The following TUT7 variants were observed in gnomAD, a reference collection of about 807,000 sequenced individuals.
TUT7 encodes the protein terminal uridylyltransferase 7.
In TUT7, 33 loss-of-function variants were observed where a neutral mutation model predicts 165.9. The ratio of observed to expected loss-of-function variants is 0.20; its 90% CI spans 0.15 to 0.27. The LOEUF (loss-of-function observed/expected upper bound fraction) is 0.27, where lower values mean the gene tolerates loss of function less well. Ranked by LOEUF, TUT7 falls within the 10% of genes least tolerant of loss-of-function variation. The pLI is 1.00. For synonymous variants in TUT7, 552 were observed against 608.1 expected (o/e 0.91, Z 1.36); for missense variants, 1,338 against 1,762.3 (o/e 0.76, Z 4.31).
chr9:86,314,047 T>C (rs1332155301), intron 17 of TUT7, among the ~76,000 whole-genome samples: 1 of 152,228 alleles, frequency 6.6e-6, no homozygotes, highest in Non-Finnish European at 1.5e-5. Context: ...TTAAATGCCA[T>C]AGAATTGTTA....
At chr9:86,353,938 T>C (rs935968207) in intron 1 of TUT7, among the ~76,000 whole-genome samples, 1 of 151,676 alleles carries the variant, frequency 6.6e-6, no homozygotes, top group African/African-American at 2.4e-5. Flanking sequence ...TCAATCCCCA[T>C]CTGACCGCTC....
chr9:86,346,555 G>T, intron 2 of TUT7, 75 bp from the exon 3 acceptor site: 1 of 1,400,218 alleles, frequency 7.1e-7, no homozygotes, highest in Non-Finnish European at 9.8e-7. Context: ...CCTTACATAT[G>T]TATTAAATCA....
intron 17 of TUT7, among the ~76,000 whole-genome samples, chr9:86,313,243 T>G (rs554854271): frequency 1.2e-4 from 18 of 152,174 alleles, no homozygotes; most frequent in African/African-American, 4.1e-4. Flanking sequence ...CACATCTAGT[T>G]AGACAATAAC....
chr9:86,310,393 C>G (rs1459630871), intron 18 of TUT7, among the ~76,000 whole-genome samples: 1 of 151,492 alleles, frequency 6.6e-6, no homozygotes, highest in African/African-American at 2.4e-5. Flanking sequence ...GGCTTTTATA[C>G]GTCCTTGGTC....
intron 13 of TUT7, 150 bp downstream of exon 13, chr9:86,322,723 A>C: frequency 9.8e-7 from 1 of 1,022,634 alleles, no homozygotes; most frequent in East Asian, 2.6e-5. Context: ...CTTAAGGAGA[A>C]AAGCAGACCG....
chr9:86,342,597 C>A (rs1379724982), intron 6 of TUT7, among the ~76,000 whole-genome samples: 1 of 152,128 alleles, frequency 6.6e-6, no homozygotes, highest in East Asian at 1.9e-4. Flanking sequence ...AATTCTAACT[C>A]ATCAACATAC....
chr9:86,313,126 T>TAATAAATAAATAAATAAATAAATA (rs111966143), intron 17 of TUT7, among the ~76,000 whole-genome samples: 1 of 142,550 alleles, frequency 7.0e-6, no homozygotes, highest in Admixed American at 7.0e-5. Context: ...GAATGATCAA[T>TAATAAATAAATAAATAAATAAATA]AATAAATAAA....
rs1157712998 is a variant in TUT7, at chr9:86,344,820, T to C, written c.997+157A>G. ...ATGCATATGAAAGTCCTTGTTACCT[T>C]AGGGAAAGCCAGGGAAAACAAAAAA... On this transcript the variant is annotated intron_variant, in intron 5 of 26. Coordinates refer to ENST00000375963, the MANE Select transcript of TUT7 (RefSeq NM_024617.4). 2.1e-5 allele frequency: 14 copies of C among 667,808 alleles called. No homozygotes were observed. The Middle Eastern group carries it at 1.7e-3, about 79-fold the overall frequency. 41.4% of individuals were successfully genotyped at this position (667,808 alleles called of 1,614,324 possible).
intron 25 of TUT7, chr9:86,301,841 T>C: frequency 1.0e-6 from 1 of 985,424 alleles, no homozygotes; most frequent in Non-Finnish European, 1.2e-6. Context: ...GTAAAACCAA[T>C]GACTGCAATT....
At chr9:86,345,925 G>T in intron 3 of TUT7, 140 bp from the exon 4 acceptor site, 1 of 654,840 alleles carries the variant, frequency 1.5e-6, no homozygotes, top group Non-Finnish European at 2.6e-6. Flanking sequence ...GCCCTGGCTG[G>T]AGTGAACTGG....
At chr9:86,329,784 C>G (rs1830137147) in intron 10 of TUT7, among the ~76,000 whole-genome samples, 1 of 152,080 alleles carries the variant, frequency 6.6e-6, no homozygotes, top group Non-Finnish European at 1.5e-5. Flanking sequence ...TCTGATCCTT[C>G]TATCTTCTTG....
intron 15 of TUT7, 134 bp downstream of exon 15, chr9:86,319,450 A>T (rs1829022710): frequency 1.5e-6 from 1 of 650,448 alleles, no homozygotes. Context: ...GATTTGGCAG[A>T]CCAAGGACCA....
Position 86,340,023 on chromosome 9 carries a change from A to AC in TUT7, c.1208+12_1208+13insG, listed in dbSNP as rs1831198214. On this transcript the variant is annotated intron_variant, in intron 8 of 26. Coordinates refer to ENST00000375963, the MANE Select transcript of TUT7 (RefSeq NM_024617.4). The stretch of plus-strand genomic sequence containing the variant: ...TTGAGAGTTAGTAAATAAACAGTTT[A>AC]AAGAAATGAGACCTTTGCTTTTCTC... 1 of 1,610,606 alleles carries AC rather than the reference A, an allele frequency of 6.2e-7. No individual in the cohort carries two copies. Among genetic ancestry groups the AC allele is most frequent in the South Asian group, 1.1e-5 (1 of 91,016 alleles).
At chr9:86,346,530 T>C (rs754667575) in intron 2 of TUT7, 50 bp from the exon 3 acceptor site, 1 of 1,567,358 alleles carries the variant, frequency 6.4e-7, no homozygotes, top group East Asian at 2.2e-5. Flanking sequence ...ATGCCACTCC[T>C]GAGTAAAAAG....
Position 86,353,153 on chromosome 9 carries a change from C to G in TUT7, c.47G>C (p.Arg16Pro). 1 of 1,606,160 alleles carries G rather than the reference C, an allele frequency of 6.2e-7. No homozygotes were observed. Among genetic ancestry groups the G allele is most frequent in the South Asian group, 1.1e-5 (1 of 89,424 alleles). Residue 16 changes from arginine (R) to proline (P), a missense_variant, in exon 2 of 27, where the codon CGG becomes CCG. Arg to Pro is a moderately radical substitution (Grantham distance 103). Coordinates refer to ENST00000375963, the MANE Select transcript of TUT7 (RefSeq NM_024617.4). ...KPYFVKRTKDRGTMDDDDFRR... is the reference protein window; with the variant it reads ...KPYFVKRTKDPGTMDDDDFRR... ...GAAGTCATCATCATCCATAGTCCCC[C>G]GGTCTTTAGTGCGCTTCACGAAATA...
At chr9:86,320,144 C>T (rs1178641561) in intron 14 of TUT7, among the ~76,000 whole-genome samples, 3 of 151,696 alleles carry the variant, frequency 2.0e-5, no homozygotes, top group African/African-American at 7.3e-5. Flanking sequence ...CTTCAGAAAT[C>T]ACCACCCCGC....
intron 14 of TUT7, among the ~76,000 whole-genome samples, chr9:86,321,773 T>A (rs1829322645): frequency 6.6e-6 from 1 of 152,110 alleles, no homozygotes; most frequent in Non-Finnish European, 1.5e-5. Context: ...TTGCTATGTA[T>A]CTTGATGCAA....
chr9:86,305,389 C>A (rs939527994), intron 22 of TUT7, 150 bp from the exon 23 acceptor site: 1 of 576,562 alleles, frequency 1.7e-6, no homozygotes, highest in Non-Finnish European at 3.0e-6. Flanking sequence ...AAAAGAAGTG[C>A]AAAAAAAAGT....
In TUT7 at chr9:86,288,735, GA is replaced by G; in HGVS notation, c.4429del (p.Ser1477ProfsTer5). 2 of 1,612,660 alleles carry G rather than the reference GA, an allele frequency of 1.2e-6. No individual in the cohort carries two copies. The highest frequency in any genetic ancestry group is 1.7e-6 in the Non-Finnish European group (2 of 1,179,076). ...TTTTCCCTGAGTCATATATTTACTGGAAAGGCTACCTAGAGGAGGGGAAGAA... is the reference window on the plus strand; with the variant it reads ...TTTTCCCTGAGTCATATATTTACTGGAAGGCTACCTAGAGGAGGGGAAGAA... ...PQFKGSSGSL[S>X]SKYMTQGKAS... On this transcript the variant is annotated frameshift_variant, in exon 27 of 27. Coordinates refer to ENST00000375963, the MANE Select transcript of TUT7 (RefSeq NM_024617.4). LOFTEE classifies it high-confidence loss of function.
Sources: allele counts gnomAD v4.1 joint callset (sites outside exome capture counted in the v4.1 genomes callset), GRCh38; gene constraint gnomAD v4.1.1; transcripts MANE v1.5; gene names NCBI Gene and HGNC (gene_info 2026-07-23, HGNC 2026-07-21).